The following SEC24B variants were observed in gnomAD, a reference collection of about 807,000 sequenced individuals.
The protein encoded by SEC24B is SEC24 homolog B, COPII component.
In SEC24B, 45 loss-of-function variants were observed where a neutral mutation model predicts 142.8. That is an observed-to-expected ratio of 0.32 (90% CI 0.25 to 0.40). The LOEUF is 0.40. Ranked by LOEUF, SEC24B falls within the 10% of genes least tolerant of loss-of-function variation. SEC24B has a pLI of 1.00. For synonymous variants in SEC24B, 574 were observed against 568.2 expected (o/e 1.01, Z -0.15); for missense variants, 1,409 against 1,526.8 (o/e 0.92, Z 1.29).
chr4:109,451,393 C>T (rs1432868831), intron 1 of SEC24B, among the ~76,000 whole-genome samples: 2 of 150,162 alleles, frequency 1.3e-5, no homozygotes, highest in African/African-American at 2.5e-5. Flanking sequence ...TGGAGTCTCG[C>T]TGTGTTGCCC....
At chr4:109,444,563 A>G (rs1253998727) in intron 1 of SEC24B, among the ~76,000 whole-genome samples, 1 of 151,710 alleles carries the variant, frequency 6.6e-6, no homozygotes, top group Admixed American at 6.6e-5. Context: ...GTTTTCTTAA[A>G]GCAAGAGAAT....
At chr4:109,535,054 A>T (rs1725366037) in intron 22 of SEC24B, among the ~76,000 whole-genome samples, 1 of 152,112 alleles carries the variant, frequency 6.6e-6, no homozygotes, top group Non-Finnish European at 1.5e-5. Context: ...TCATCCACTG[A>T]TGGATATTTC....
At chr4:109,452,172 C>T (rs745804085) in intron 1 of SEC24B, among the ~76,000 whole-genome samples, 1 of 152,102 alleles carries the variant, frequency 6.6e-6, no homozygotes, top group Non-Finnish European at 1.5e-5. Flanking sequence ...GTCATGTAAA[C>T]GGAACCATAT....
Position 109,463,205 on chromosome 4 carries a change from G to T in SEC24B, c.438G>T (p.Thr146=), listed in dbSNP as rs765010807. Residue 146 remains threonine, a synonymous_variant, in exon 2 of 24, where the codon ACG becomes ACT. Transcript: ENST00000265175. ...GAASSASHLH[T]SASQPYSSFV... ...CATCGTCAGCATCCCATTTGCATAC[G>T]AGTGCCTCCCAACCATACTCCTCTT... 6.2e-7 allele frequency: 1 copy of T among 1,614,104 alleles called. No homozygotes were observed.
At chr4:109,536,323 T>C (rs1483081407) in intron 22 of SEC24B, among the ~76,000 whole-genome samples, 1 of 152,140 alleles carries the variant, frequency 6.6e-6, no homozygotes, top group East Asian at 1.9e-4. Context: ...AAAAATACAG[T>C]GTGGTAAAGA....
intron 9 of SEC24B, among the ~76,000 whole-genome samples, chr4:109,513,059 C>G (rs1176681928): frequency 2.0e-5 from 3 of 149,936 alleles, no homozygotes; most frequent in Non-Finnish European, 4.4e-5. Flanking sequence ...ACTGCAACCT[C>G]CACCTCCCGG....
chr4:109,454,169 T>C (rs1045290392), intron 1 of SEC24B, among the ~76,000 whole-genome samples: 5 of 152,188 alleles, frequency 3.3e-5, no homozygotes, highest in Admixed American at 3.3e-4. Flanking sequence ...TTTTTCATTT[T>C]GGTAAAGTCA....
chr4:109,484,144 C>G (rs1236879999), intron 4 of SEC24B, among the ~76,000 whole-genome samples: 2 of 152,166 alleles, frequency 1.3e-5, no homozygotes, highest in African/African-American at 4.8e-5. Context: ...TTGGATCATG[C>G]GTTGAATTTA....
intron 17 of SEC24B, among the ~76,000 whole-genome samples, chr4:109,526,870 T>A (rs1052588366): frequency 2.0e-5 from 3 of 152,216 alleles, no homozygotes; most frequent in Non-Finnish European, 4.4e-5. Context: ...GGTTTTTACA[T>A]CTCAAAATCC....
At chr4:109,524,714 C>A in intron 14 of SEC24B, 104 bp from the exon 15 acceptor site, 1 of 1,008,072 alleles carries the variant, frequency 9.9e-7, no homozygotes, top group Non-Finnish European at 1.4e-6. Flanking sequence ...TTAGAAAACT[C>A]TTAGTTTGGT....
At chr4:109,479,397 C>T (rs1267874076) in intron 3 of SEC24B, among the ~76,000 whole-genome samples, 3 of 152,068 alleles carry the variant, frequency 2.0e-5, no homozygotes, top group Admixed American at 2.0e-4. Flanking sequence ...CATATTTTAC[C>T]ACCTTATATA....
At chr4:109,516,904 A>C (rs1722992611) in intron 11 of SEC24B, among the ~76,000 whole-genome samples, 1 of 152,192 alleles carries the variant, frequency 6.6e-6, no homozygotes, top group African/African-American at 2.4e-5. Context: ...CAATCTGAAC[A>C]CAGGGGCCAG....
intron 14 of SEC24B, among the ~76,000 whole-genome samples, chr4:109,521,833 G>A (rs1249648336): frequency 1.3e-5 from 2 of 151,316 alleles, no homozygotes; most frequent in Admixed American, 1.3e-4. Context: ...CCAGGTTCAA[G>A]CGATTCTCCT....
In SEC24B at chr4:109,491,036, ATG is replaced by A. The variant is rs1249238654; in HGVS notation, c.1166-287_1166-286del. 7.2e-5 allele frequency among the ~76,000 whole-genome samples: 11 copies of A among 151,738 alleles called. No individual in the cohort carries two copies. In the East Asian group the frequency reaches 2.1e-3, roughly 29 times the overall value. Reference sequence around the variant, plus strand: ...TTCTATCAACCTAAAGTTTTTGTTTATGTGTTTGACTAGTTTTAATAGTTTAA... The same window carrying A: ...TTCTATCAACCTAAAGTTTTTGTTTATGTTTGACTAGTTTTAATAGTTTAA... On this transcript the variant is annotated intron_variant, in intron 4 of 23. Transcript: ENST00000265175.
chr4:109,497,746 G>A (rs1174262548), intron 6 of SEC24B, among the ~76,000 whole-genome samples: 1 of 152,036 alleles, frequency 6.6e-6, no homozygotes, highest in Non-Finnish European at 1.5e-5. Context: ...TTCCAGTGTG[G>A]GGCCATTATG....
intron 1 of SEC24B, among the ~76,000 whole-genome samples, chr4:109,436,130 T>G (rs1339120097): frequency 3.9e-5 from 6 of 152,146 alleles, no homozygotes; most frequent in African/African-American, 1.4e-4. Flanking sequence ...TAGGGTCAGG[T>G]AGAGTACGAG....
chr4:109,522,114 C>T lies in SEC24B; in HGVS notation c.2508+488C>T, dbSNP rs551557185. On this transcript the variant is annotated intron_variant, in intron 14 of 23. Coordinates refer to ENST00000265175, the MANE Select transcript of SEC24B (RefSeq NM_006323.5). The stretch of plus-strand genomic sequence containing the variant: ...TCGCCCAGGCTGGAGTGCAGTGGCG[C>T]GCTCTCAGCTCACTGCAAGCTCTGC... Among the ~76,000 whole-genome samples, 17 of 150,894 alleles carry T rather than the reference C, an allele frequency of 1.1e-4. No individual in the cohort carries two copies. The East Asian group carries it at 2.9e-3, about 26-fold the overall frequency.
At chr4:109,509,677 A>G (rs990111299) in intron 7 of SEC24B, among the ~76,000 whole-genome samples, 8 of 121,710 alleles carry the variant, frequency 6.6e-5, no homozygotes, top group African/African-American at 1.6e-4. Context: ...ACTCCATCTC[A>G]GAAAAAAAAA....
intron 1 of SEC24B, among the ~76,000 whole-genome samples, chr4:109,452,442 A>G (rs1730205902): frequency 6.6e-6 from 1 of 152,252 alleles, no homozygotes; most frequent in Non-Finnish European, 1.5e-5. Context: ...AAATAACTAC[A>G]GTGGGACTGT....
Sources: gnomAD v4.1 joint callset for allele counts (sites outside exome capture counted in the v4.1 genomes callset) on GRCh38, gnomAD v4.1.1 for gene constraint, MANE v1.5 for transcripts, NCBI Gene and HGNC (gene_info 2026-07-23, HGNC 2026-07-21) for gene names.